LIG1: variants seen among roughly 807,000 people sequenced by gnomAD.
The protein encoded by LIG1 is DNA ligase 1.
In LIG1, 70 loss-of-function variants were observed where a neutral mutation model predicts 115.7. The ratio of observed to expected loss-of-function variants is 0.60; its 90% CI spans 0.50 to 0.74. The LOEUF (loss-of-function observed/expected upper bound fraction) is 0.74. LIG1 is among the 30% of genes least tolerant of loss of function. LIG1 has a pLI of 0.00. For synonymous variants in LIG1, 487 were observed against 495.3 expected (o/e 0.98, Z 0.22); for missense variants, 1,115 against 1,225.6 (o/e 0.91, Z 1.35).
chr19:48,115,642 C>T lies in LIG1; in HGVS notation c.*7G>A, dbSNP rs369938911. ...GCCCTGTACCCAGGCCCTAGGAGGG[C>T]GAGGGCTTAGTAGGTATCTTCAGGG... On this transcript the variant is annotated 3_prime_UTR_variant, in exon 28 of 28. Transcript: ENST00000263274. 124 of 1,607,438 alleles carry T rather than the reference C, an allele frequency of 7.7e-5. No individual in the cohort carries two copies. The highest frequency in any genetic ancestry group is 1.1e-4 in the African/African-American group (8 of 74,790).
At chr19:48,155,376 T>C (rs1220765327) in intron 5 of LIG1, among the ~76,000 whole-genome samples, 3 of 152,176 alleles carry the variant, frequency 2.0e-5, no homozygotes, top group Non-Finnish European at 4.4e-5. Flanking sequence ...AGGAAGTAGA[T>C]GAGAGGCCCC....
At chr19:48,157,296 G>T (rs2035913330) in intron 4 of LIG1, among the ~76,000 whole-genome samples, 156 bp from the exon 5 acceptor site, 1 of 152,062 alleles carries the variant, frequency 6.6e-6, no homozygotes, top group Admixed American at 6.6e-5. Flanking sequence ...TCTCACCTGG[G>T]CCATCATCCC....
chr19:48,133,264 C>A, intron 17 of LIG1, 167 bp from the exon 18 acceptor site: 1 of 623,350 alleles, frequency 1.6e-6, no homozygotes, highest in Non-Finnish European at 2.9e-6. Context: ...CTGGGGACTA[C>A]AGCCCCCGGC....
intron 14 of LIG1, among the ~76,000 whole-genome samples, chr19:48,136,687 T>C (rs2034411080): frequency 6.6e-6 from 1 of 152,192 alleles, no homozygotes; most frequent in Non-Finnish European, 1.5e-5. Flanking sequence ...GGATTTGCTC[T>C]CACTGTCATG....
At position 48,137,905 on chromosome 19, in the gene LIG1, G is replaced by A. The variant is rs981820581; in HGVS notation, c.1088-217C>T. ...GGAAGTCAGCAAACATGCACGTGGA[G>A]CCAGGAAAGCGGTGGATGAACGAGC... On this transcript the variant is annotated intron_variant, in intron 12 of 27. Transcript: ENST00000263274. This position sits in a 1 kb window ranked among gnomAD's most constrained non-coding sequence, Gnocchi z 4.3. The A allele has an allele frequency of 2.9e-5, 18 of 623,776 alleles. No homozygotes were observed. The highest frequency in any genetic ancestry group is 1.8e-5 in the African/African-American group (1 of 54,816). 38.6% of individuals were successfully genotyped at this position (623,776 alleles called of 1,614,324 possible).
chr19:48,141,977 T>C (rs2034787713), intron 11 of LIG1, among the ~76,000 whole-genome samples: 1 of 152,148 alleles, frequency 6.6e-6, no homozygotes, highest in African/African-American at 2.4e-5. Context: ...TGAATGAAGG[T>C]AGGCTCTGAA....
chr19:48,144,966 C>G (rs1252404613), intron 9 of LIG1, among the ~76,000 whole-genome samples: 1 of 152,132 alleles, frequency 6.6e-6, no homozygotes, highest in African/African-American at 2.4e-5. Context: ...GGCTAGAGTG[C>G]AGTGGAGCAA....
At chr19:48,160,018 C>T (rs1168156655) in intron 4 of LIG1, among the ~76,000 whole-genome samples, 3 of 152,148 alleles carry the variant, frequency 2.0e-5, no homozygotes, top group Non-Finnish European at 4.4e-5. Context: ...CACCCAGCCA[C>T]TTGCTTTGAA....
rs759834341 is a variant in LIG1, at chr19:48,162,239, C to A, written c.107+23G>T. On this transcript the variant is annotated intron_variant, in intron 3 of 27. Transcript: ENST00000263274. ...CTGACTGCTAAAGGAAAAAATTCAC[C>A]ATATCCCAGCCCTGTGACATACTTT... 2.5e-6 allele frequency: 4 copies of A among 1,590,720 alleles called. No homozygotes were observed. The East Asian group carries it at 8.9e-5, about 36-fold the overall frequency.
chr19:48,162,002 A>AGTG (rs2036208981), intron 3 of LIG1, among the ~76,000 whole-genome samples: 1 of 152,030 alleles, frequency 6.6e-6, no homozygotes, highest in African/African-American at 2.4e-5. Context: ...GCCAGTGGCC[A>AGTG]GCGGCCAGCT....
chr19:48,154,762 C>T (rs548613565), intron 5 of LIG1, among the ~76,000 whole-genome samples: 2 of 152,318 alleles, frequency 1.3e-5, no homozygotes, highest in East Asian at 3.9e-4. Flanking sequence ...GTCTCCCGGC[C>T]CCCAGTGGCT....
intron 5 of LIG1, among the ~76,000 whole-genome samples, chr19:48,155,581 G>T (rs1256862918): frequency 6.6e-6 from 1 of 152,132 alleles, no homozygotes; most frequent in Non-Finnish European, 1.5e-5. Flanking sequence ...CCGATGGAAA[G>T]ATCTGGCAAG....
chr19:48,145,073 G>C (rs2035033868), intron 9 of LIG1, among the ~76,000 whole-genome samples: 1 of 152,162 alleles, frequency 6.6e-6, no homozygotes, highest in South Asian at 2.1e-4. Context: ...ATGCCCGACT[G>C]ATCTTTGTAG....
At chr19:48,117,442 G>A (rs929779362) in intron 26 of LIG1, among the ~76,000 whole-genome samples, 196 bp downstream of exon 26, 10 of 152,240 alleles carry the variant, frequency 6.6e-5, no homozygotes, top group African/African-American at 1.2e-4. Context: ...TTACAGGCAC[G>A]AGCCCCCATG....
At chr19:48,154,372 A>C in intron 5 of LIG1, 1 of 286,866 alleles carries the variant, frequency 3.5e-6, no homozygotes, top group Non-Finnish European at 6.9e-6. Context: ...GGAATAAACT[A>C]GCCCCAGGAG....
intron 26 of LIG1, 49 bp downstream of exon 26, chr19:48,117,589 C>A (rs2032940030): frequency 6.3e-7 from 1 of 1,599,494 alleles, no homozygotes; most frequent in East Asian, 2.2e-5. Context: ...TCTCTGTGTG[C>A]CCGCCCAGAA....
chr19:48,164,827 T>C (rs535273101), intron 2 of LIG1, among the ~76,000 whole-genome samples: 6 of 152,180 alleles, frequency 3.9e-5, no homozygotes, highest in South Asian at 2.1e-4. Flanking sequence ...CTAGACACTA[T>C]TGACATGTTG....
chr19:48,160,438 C>T (rs146245172), intron 4 of LIG1, among the ~76,000 whole-genome samples: 8 of 152,086 alleles, frequency 5.3e-5, no homozygotes, highest in African/African-American at 9.7e-5. Context: ...GCTGTGGATG[C>T]GGCTGCAGAT....
At position 48,127,324 on chromosome 19, in the gene LIG1, C is replaced by T. The variant is rs1285150505; in HGVS notation, c.1957G>A (p.Val653Met). 1 of 1,613,630 alleles carries T rather than the reference C, an allele frequency of 6.2e-7. No individual in the cohort carries two copies. Among genetic ancestry groups the T allele is most frequent in the African/African-American group, 1.3e-5 (1 of 74,934 alleles). ...RKEVDASEIQ[V>M]QVCLYAFDLI... ...TCGAAGGCGTACAAACACACCTGCA[C>T]CTGGATCTCAGACGCATCCACCTCC... The change falls in exon 21 of 28, where the codon GTG (valine) becomes ATG (methionine). Residue 653 changes from valine (V) to methionine (M), a missense_variant. Physicochemically the swap from Val to Met is conservative, Grantham distance 21 (BLOSUM62 1). Transcript: ENST00000263274.
Sources: allele counts gnomAD v4.1 joint callset (sites outside exome capture counted in the v4.1 genomes callset), GRCh38; gene constraint gnomAD v4.1.1; non-coding constraint Gnocchi (gnomAD v3.1); transcripts MANE v1.5; gene names NCBI Gene and HGNC (gene_info 2026-07-23, HGNC 2026-07-21).